Variants in MTFR2 observed in about 807,000 individuals in gnomAD.
MTFR2 encodes the protein mitochondrial fission regulator 2.
Under a neutral mutation model 41.2 loss-of-function variants are expected in MTFR2, and 44 were observed. The ratio of observed to expected loss-of-function variants is 1.07; its 90% CI spans 0.84 to 1.37. The LOEUF is 1.37. Ranked by LOEUF, MTFR2 falls within the 40% of genes most tolerant of loss-of-function variation. MTFR2 has a pLI of 0.00. For synonymous variants in MTFR2, 141 were observed against 154.6 expected, an observed-to-expected ratio of 0.91 and a Z score of 0.65; for missense variants, 452 against 459.5, an observed-to-expected ratio of 0.98 and a Z score of 0.15.
intron 3 of MTFR2, among the ~76,000 whole-genome samples, chr6:136,243,443 A>C (rs1204274592): frequency 1.3e-5 from 2 of 152,298 alleles, no homozygotes; most frequent in East Asian, 3.9e-4. Context: ...ATGGTGGTGC[A>C]TTCCTGTAAT....
At chr6:136,239,039 G>C (rs185153588) in intron 6 of MTFR2, among the ~76,000 whole-genome samples, 88 of 152,338 alleles carry the variant, frequency 5.8e-4, no homozygotes, top group African/African-American at 1.9e-3. Context: ...CTGCCCTACA[G>C]CCTGGGTTAC....
rs377628639 is a variant in MTFR2 at position 136,248,349 on chromosome 6, G to T, written c.63+688C>A. On this transcript the variant is annotated intron_variant, in intron 2 of 7. Coordinates refer to ENST00000420702, the MANE Select transcript of MTFR2 (RefSeq NM_001099286.3). The stretch of plus-strand genomic sequence containing the variant: ...CACCTTGAATTGTAATTATCCTCAC[G>T]TGTCAAGGGTGGGGCCAGGTGAAGA... Among the ~76,000 whole-genome samples, 21 of 152,264 alleles carry T rather than the reference G, an allele frequency of 1.4e-4. No homozygotes were observed. The South Asian group carries it at 4.4e-3, about 32-fold the overall frequency.
Position 136,244,642 on chromosome 6 carries a change from G to T in MTFR2, c.168+123C>A, listed in dbSNP as rs939471770. ...TATATGAAATGGCTTGTTCCCAAGG[G>T]TAAACTACAGGTTTTTGGCTTGCAG... On this transcript the variant is annotated intron_variant, in intron 3 of 7. Coordinates refer to ENST00000420702, the MANE Select transcript of MTFR2 (RefSeq NM_001099286.3). The T allele has an allele frequency of 9.0e-6, 6 of 670,336 alleles. No individual in the cohort carries two copies. The African/African-American group carries it at 9.5e-5, about 11-fold the overall frequency. The allele number at this position is 670,336 out of a possible 1,614,324, so 41.5% of individuals were successfully genotyped here. A position where few individuals can be genotyped will look rare whatever the true frequency, so the allele number is the denominator to read the frequency against.
rs377108040 is a variant in MTFR2 at position 136,233,428 on chromosome 6, G to A, written c.941C>T (p.Ser314Phe). ...NSHWDPVSLI[S>F]HALKQKFAFQ... ...TGCAAATTTCTGTTTAAGTGCATGA[G>A]ATATTAAAGAAACTGGATCCCAATG... The change falls in exon 7 of 8, where the codon TCT becomes TTT. Residue 314 changes from serine to phenylalanine, a missense_variant. Physicochemically the swap from Ser to Phe is radical, Grantham distance 155. Coordinates refer to ENST00000420702, the MANE Select transcript of MTFR2 (RefSeq NM_001099286.3). 1.2e-4 allele frequency: 193 copies of A among 1,601,206 alleles called. 3 individuals carry two copies. In the South Asian group the frequency reaches 1.9e-3, roughly 16 times the overall value.
intron 5 of MTFR2, 118 bp from the exon 6 acceptor site, chr6:136,239,938 G>A (rs1198431582): frequency 2.6e-6 from 2 of 757,390 alleles, no homozygotes; most frequent in Admixed American, 3.1e-5. Flanking sequence ...TAGCGATATG[G>A]TAGCAAGGAA....
intron 2 of MTFR2, among the ~76,000 whole-genome samples, chr6:136,248,338 A>T (rs1242599411): frequency 6.6e-6 from 1 of 152,168 alleles, no homozygotes; most frequent in Non-Finnish European, 1.5e-5. Context: ...TTGAATTGTA[A>T]TTATCCTCAC....
In MTFR2 at chr6:136,231,132, C is replaced by T; in HGVS notation, c.*143G>A. 1.7e-6 allele frequency: 1 copy of T among 582,410 alleles called. No individual in the cohort carries two copies. Among genetic ancestry groups the T allele is most frequent in the South Asian group, 2.3e-5 (1 of 44,068 alleles). 36.1% of individuals were successfully genotyped at this position (582,410 alleles called of 1,614,324 possible). ...CAAAAATGACAGGCATACATATTTACATAGCAAGTGTAGGCAAAATGTGTC... is the reference window on the plus strand; with the variant it reads ...CAAAAATGACAGGCATACATATTTATATAGCAAGTGTAGGCAAAATGTGTC... On this transcript the variant is annotated 3_prime_UTR_variant, in exon 8 of 8. Coordinates refer to ENST00000420702, the MANE Select transcript of MTFR2 (RefSeq NM_001099286.3).
chr6:136,245,654 C>G (rs1780194678), intron 2 of MTFR2, among the ~76,000 whole-genome samples: 1 of 152,174 alleles, frequency 6.6e-6, no homozygotes. Context: ...CAACAACTAA[C>G]AACAGCAGGC....
At chr6:136,248,899 T>C in intron 2 of MTFR2, 138 bp downstream of exon 2, 1 of 676,060 alleles carries the variant, frequency 1.5e-6, no homozygotes, top group Non-Finnish European at 2.5e-6. Flanking sequence ...AAAGCTATAC[T>C]ATTACAAACT....
chr6:136,239,406 A>G, intron 6 of MTFR2, 60 bp downstream of exon 6: 4 of 1,286,946 alleles, frequency 3.1e-6, no homozygotes, highest in Non-Finnish European at 3.2e-6. Flanking sequence ...AAACATAATA[A>G]TTTTTCTAAA....
chr6:136,240,079 A>AAC (rs1040414842), intron 5 of MTFR2, among the ~76,000 whole-genome samples: 5 of 151,980 alleles, frequency 3.3e-5, no homozygotes, highest in African/African-American at 1.2e-4. Context: ...TAAACAAACA[A>AAC]AAAAAAGAGT....
rs2128457971 is a variant in MTFR2, at chr6:136,239,702, A to T, written c.633T>A (p.Pro211=). The T allele has an allele frequency of 6.2e-7, 1 of 1,611,426 alleles. No homozygotes were observed. Among genetic ancestry groups the T allele is most frequent in the Non-Finnish European group, 8.5e-7 (1 of 1,178,006 alleles). The change falls in exon 6 of 8, where the codon CCT becomes CCA. Residue 211 remains proline (P), a synonymous_variant. Transcript: ENST00000420702. Reference sequence around the variant, plus strand: ...ATGAAAACTGAGGAGGAAGTGGTGGAGGAGGAGGAGGAGAAAGCACTGAAC... The same window carrying T: ...ATGAAAACTGAGGAGGAAGTGGTGGTGGAGGAGGAGGAGAAAGCACTGAAC... The part of the protein sequence containing the change: ...LPGSVLSPPP[P]PPLPPQFSSL...
rs745927597 is a variant in MTFR2, at chr6:136,239,698, G to A, written c.637C>T (p.Pro213Ser). The change falls in exon 6 of 8, where the codon CCA (proline) becomes TCA (serine). Residue 213 changes from proline (P) to serine (S), a missense_variant. Transcript: ENST00000420702. ...AGAGATGAAAACTGAGGAGGAAGTG[G>A]TGGAGGAGGAGGAGGAGAAAGCACT... The part of the protein sequence containing the change: ...GSVLSPPPPP[P>S]LPPQFSSLQP... 1.4e-5 allele frequency: 22 copies of A among 1,613,916 alleles called. No homozygotes were observed. Among genetic ancestry groups the A allele is most frequent in the Non-Finnish European group, 1.9e-5 (22 of 1,180,030 alleles).
chr6:136,233,568 A>G (rs1160623978), intron 6 of MTFR2, 69 bp from the exon 7 acceptor site: 4 of 1,176,168 alleles, frequency 3.4e-6, no homozygotes, highest in East Asian at 2.6e-5. Context: ...GTTGACAAAC[A>G]TGGCAGGAAT....
intron 6 of MTFR2, among the ~76,000 whole-genome samples, chr6:136,236,376 T>A (rs1184646813): frequency 6.6e-6 from 1 of 152,156 alleles, no homozygotes; most frequent in Non-Finnish European, 1.5e-5. Flanking sequence ...AGGCAGAGAA[T>A]CTGCACGGGG....
intron 2 of MTFR2, among the ~76,000 whole-genome samples, chr6:136,248,025 G>A (rs905375208): frequency 1.8e-4 from 27 of 152,046 alleles, no homozygotes; most frequent in Middle Eastern, 3.4e-3. Context: ...ATACTAAGAT[G>A]CCCATTTATA....
intron 2 of MTFR2, chr6:136,247,349 TAAA>T: frequency 5.3e-5 from 16 of 304,216 alleles, no homozygotes; most frequent in East Asian, 9.2e-5. Flanking sequence ...GACTCCATCT[TAAA>T]AAAAAAAAAA....
At chr6:136,243,052 G>T in intron 3 of MTFR2, 79 bp from the exon 4 acceptor site, 1 of 835,938 alleles carries the variant, frequency 1.2e-6, no homozygotes, top group Non-Finnish European at 1.8e-6. Context: ...TATTAAATTA[G>T]TTAACAATCC....
chr6:136,249,911 G>A (rs1780320049), intron 1 of MTFR2, 65 bp downstream of exon 1: 1 of 152,136 alleles, frequency 6.6e-6, no homozygotes, highest in Admixed American at 6.5e-5. Flanking sequence ...GAGCCGGATC[G>A]CGTCCCTCGC....
Sources: gnomAD v4.1 joint callset for allele counts (sites outside exome capture counted in the v4.1 genomes callset) on GRCh38, gnomAD v4.1.1 for gene constraint, MANE v1.5 for transcripts, NCBI Gene and HGNC (gene_info 2026-07-23, HGNC 2026-07-21) for gene names.